RGS17: variants seen among roughly 807,000 people sequenced by gnomAD.
The protein encoded by RGS17 is regulator of G-protein signaling 17.
A neutral mutation model predicts 25.5 loss-of-function variants in RGS17; 12 were observed. The observed-to-expected ratio is 0.47, with a 90% CI of 0.30 to 0.76. RGS17 has a LOEUF of 0.76. Ranked by LOEUF, RGS17 falls within the 30% of genes least tolerant of loss-of-function variation. RGS17 has a pLI of 0.07. For synonymous variants in RGS17, 71 were observed against 76.9 expected (o/e 0.92, Z 0.40); for missense variants, 196 against 242.2 (o/e 0.81, Z 1.27).
chr6:153,096,443 A>G (rs750349265), intron 1 of RGS17, among the ~76,000 whole-genome samples: 1 of 152,210 alleles, frequency 6.6e-6, no homozygotes, highest in Non-Finnish European at 1.5e-5. Context: ...TAAATGCTCA[A>G]TAAGCATTAG....
intron 1 of RGS17, among the ~76,000 whole-genome samples, chr6:153,053,476 A>G (rs996645004): frequency 6.6e-6 from 1 of 152,168 alleles, no homozygotes; most frequent in African/African-American, 2.4e-5. Context: ...AAAGATCTGA[A>G]GAAAAAGCAA....
intron 1 of RGS17, among the ~76,000 whole-genome samples, chr6:153,089,076 C>T (rs1777089994): frequency 6.6e-6 from 1 of 151,970 alleles, no homozygotes; most frequent in Non-Finnish European, 1.5e-5. Context: ...TTTTCAAACA[C>T]TGTTTGGACT....
intron 1 of RGS17, among the ~76,000 whole-genome samples, chr6:153,056,142 T>C (rs779337792): frequency 4.6e-5 from 7 of 152,210 alleles, no homozygotes; most frequent in African/African-American, 7.2e-5. Context: ...AAACAAGATG[T>C]AATAGATATT....
intron 1 of RGS17, among the ~76,000 whole-genome samples, chr6:153,118,054 C>T (rs572038875): frequency 6.6e-6 from 1 of 152,288 alleles, no homozygotes; most frequent in Non-Finnish European, 1.5e-5. Context: ...ATGAGAAAGA[C>T]TGGGGGACAG....
At chr6:153,080,752 C>T (rs990189740) in intron 1 of RGS17, among the ~76,000 whole-genome samples, 1 of 151,840 alleles carries the variant, frequency 6.6e-6, no homozygotes, top group East Asian at 1.9e-4. Context: ...GCATTGAATG[C>T]TGTAAAATGT....
At chr6:153,123,140 T>C (rs1777661032) in intron 1 of RGS17, among the ~76,000 whole-genome samples, 1 of 108,454 alleles carries the variant, frequency 9.2e-6, no homozygotes, top group African/African-American at 3.7e-5. Context: ...CTTTATAGCA[T>C]GTCTATGCCT....
chr6:153,084,065 T>C (rs978550628), intron 1 of RGS17, among the ~76,000 whole-genome samples: 5 of 152,190 alleles, frequency 3.3e-5, no homozygotes. Context: ...GAATGACTAT[T>C]TCCTTTATTT....
intron 1 of RGS17, among the ~76,000 whole-genome samples, chr6:153,093,650 C>G (rs947552646): frequency 6.6e-6 from 1 of 152,194 alleles, no homozygotes; most frequent in Admixed American, 6.5e-5. Context: ...CGTACACACA[C>G]TTTACAGAAT....
intron 2 of RGS17, among the ~76,000 whole-genome samples, chr6:153,036,417 C>T (rs1776240400): frequency 3.9e-5 from 6 of 152,130 alleles, no homozygotes; most frequent in Admixed American, 2.6e-4. Context: ...GCAACTCTCT[C>T]ACTCCTCCAT....
intron 3 of RGS17, 42 bp from the exon 4 acceptor site, chr6:153,024,538 G>A (rs1489224227): frequency 4.2e-6 from 6 of 1,426,496 alleles, no homozygotes; most frequent in Admixed American, 3.4e-5. Context: ...GGAACTTTGT[G>A]ACCAGTGAAT....
rs551477147 is a variant in RGS17, at chr6:153,084,692, G to A, written c.-25-40649C>T. Among the ~76,000 whole-genome samples the A allele has an allele frequency of 3.9e-5, 6 of 152,322 alleles. No homozygotes were observed. In the South Asian group the frequency reaches 1.2e-3, roughly 32 times the overall value. On this transcript the variant is annotated intron_variant, in intron 1 of 4. Coordinates refer to ENST00000206262, the MANE Select transcript of RGS17 (RefSeq NM_012419.5). The stretch of plus-strand genomic sequence containing the variant: ...AGAGGTGGACAGACAGCTTTAGCTA[G>A]GAGGAGCTGTGCCTCCATTAATGTA...
chr6:153,057,537 C>T (rs552130779), intron 1 of RGS17, among the ~76,000 whole-genome samples: 13 of 152,280 alleles, frequency 8.5e-5, no homozygotes, highest in African/African-American at 2.4e-4. Flanking sequence ...GTTACTCCAG[C>T]GGTCCCCAAC....
At chr6:153,018,484 G>T (rs889342860) in intron 4 of RGS17, among the ~76,000 whole-genome samples, 5 of 152,056 alleles carry the variant, frequency 3.3e-5, no homozygotes, top group African/African-American at 4.8e-5. Flanking sequence ...AATAATATAG[G>T]CAAGATCACT....
At chr6:153,080,347 G>A (rs1378982109) in intron 1 of RGS17, among the ~76,000 whole-genome samples, 1 of 152,132 alleles carries the variant, frequency 6.6e-6, no homozygotes, top group African/African-American at 2.4e-5. Flanking sequence ...TAAAGTTGCT[G>A]ATAGCATTTC....
chr6:153,079,501 TTTC>T (rs1280724161), intron 1 of RGS17, among the ~76,000 whole-genome samples: 1 of 152,258 alleles, frequency 6.6e-6, no homozygotes, highest in Non-Finnish European at 1.5e-5. Context: ...ACTTTGCTAA[TTTC>T]TTTTTAATCA....
chr6:153,082,983 G>A (rs1186384668), intron 1 of RGS17, among the ~76,000 whole-genome samples: 1 of 152,096 alleles, frequency 6.6e-6, no homozygotes, highest in East Asian at 1.9e-4. Flanking sequence ...GTCCATTCTG[G>A]CTGGAGTCTG....
intron 2 of RGS17, among the ~76,000 whole-genome samples, chr6:153,030,713 A>C (rs1779352633): frequency 6.6e-6 from 1 of 152,236 alleles, no homozygotes; most frequent in African/African-American, 2.4e-5. Context: ...TCAAGATATC[A>C]CAGTAAATAC....
At chr6:153,125,083 C>T (rs185883507) in intron 1 of RGS17, among the ~76,000 whole-genome samples, 4 of 152,282 alleles carry the variant, frequency 2.6e-5, no homozygotes, top group Non-Finnish European at 5.9e-5. Context: ...TAAACACTCA[C>T]CTGCTCATTC....
At chr6:153,048,300 T>C (rs371294040) in intron 1 of RGS17, among the ~76,000 whole-genome samples, 1 of 152,190 alleles carries the variant, frequency 6.6e-6, no homozygotes, top group East Asian at 1.9e-4. Flanking sequence ...ATTCCTCTAT[T>C]TCATCTGGAT....
Sources: allele counts gnomAD v4.1 joint callset (sites outside exome capture counted in the v4.1 genomes callset), GRCh38; gene constraint gnomAD v4.1.1; transcripts MANE v1.5; gene names NCBI Gene and HGNC (gene_info 2026-07-23, HGNC 2026-07-21).